Variants in DOCK9 observed in about 807,000 individuals in gnomAD.
The protein encoded by DOCK9 is dedicator of cytokinesis protein 9.
Under a neutral mutation model 263.3 loss-of-function variants are expected in DOCK9, and 89 were observed. The ratio of observed to expected loss-of-function variants is 0.34; its 90% CI spans 0.28 to 0.40. The LOEUF is 0.40. DOCK9 is among the 10% of genes least tolerant of loss of function. DOCK9 has a pLI of 1.00. For missense variants in DOCK9, 2,140 were observed against 2,603.4 expected (o/e 0.82, Z 3.87); for synonymous variants, 976 against 973.1 (o/e 1.00, Z -0.06).
At position 98,829,964 on chromosome 13, in the gene DOCK9, TA is replaced by T. The variant is rs2092696169; in HGVS notation, c.4636-209del. Among the ~76,000 whole-genome samples, 2 of 152,154 alleles carry T rather than the reference TA, an allele frequency of 1.3e-5. No homozygotes were observed. Among genetic ancestry groups the T allele is most frequent in the Admixed American group, 6.5e-5 (1 of 15,274 alleles). On this transcript the variant is annotated intron_variant, in intron 41 of 52. Transcript: ENST00000682017. The surrounding 1 kb of genome is among the most constrained non-coding windows in gnomAD (Gnocchi z 4.1). ...TTACAGAAAGTGATTCTGCTATCCT[TA>T]AAAAACACTGTTTGCAAAGCAAAAT...
intron 1 of DOCK9, among the ~76,000 whole-genome samples, chr13:99,012,011 C>G (rs1007568577): frequency 2.0e-5 from 3 of 152,038 alleles, no homozygotes; most frequent in African/African-American, 7.2e-5. Context: ...TTTGTACAGA[C>G]GGGGTTTCAC....
At chr13:98,926,507 C>A (rs1164066171) in intron 3 of DOCK9, among the ~76,000 whole-genome samples, 1 of 152,156 alleles carries the variant, frequency 6.6e-6, no homozygotes, top group Non-Finnish European at 1.5e-5. Context: ...TCTTCCACTG[C>A]CAAGGATTCT....
At chr13:98,895,132 G>A (rs1368622841) in intron 15 of DOCK9, among the ~76,000 whole-genome samples, 2 of 128,292 alleles carry the variant, frequency 1.6e-5, no homozygotes, top group South Asian at 2.9e-4. Context: ...GCGACAGAGC[G>A]AGACTCCATC....
At chr13:98,826,365 T>TC (rs1453528997) in intron 44 of DOCK9, among the ~76,000 whole-genome samples, 3 of 152,194 alleles carry the variant, frequency 2.0e-5, no homozygotes, top group African/African-American at 4.8e-5. Flanking sequence ...GAAGCGTCAC[T>TC]CCTCGCCCCC....
chr13:99,008,212 C>A (rs4772167), intron 1 of DOCK9, among the ~76,000 whole-genome samples: 12,239 of 78,394 alleles, frequency 0.16, 767 homozygotes, highest in East Asian at 0.24. Flanking sequence ...CTCTCTCTCT[C>A]TATATATATA....
At chr13:98,964,993 C>G (rs966514744) in intron 1 of DOCK9, among the ~76,000 whole-genome samples, 6 of 152,246 alleles carry the variant, frequency 3.9e-5, no homozygotes, top group Non-Finnish European at 8.8e-5. Context: ...CCCTCAGTCT[C>G]TCCTCTGAAG....
intron 9 of DOCK9, among the ~76,000 whole-genome samples, chr13:98,905,002 T>A (rs763091573): frequency 1.8e-4 from 27 of 152,302 alleles, no homozygotes; most frequent in Non-Finnish European, 3.2e-4. Flanking sequence ...AAGAAAGGCT[T>A]CATAAAGTAA....
intron 27 of DOCK9, among the ~76,000 whole-genome samples, chr13:98,875,430 A>G (rs1359416271): frequency 6.6e-6 from 1 of 152,234 alleles, no homozygotes; most frequent in African/African-American, 2.4e-5. Context: ...TTTTCAATTT[A>G]GCTAGAAAAT....
chr13:98,821,636 A>T (rs2092282222), intron 45 of DOCK9, among the ~76,000 whole-genome samples: 1 of 152,170 alleles, frequency 6.6e-6, no homozygotes, highest in Non-Finnish European at 1.5e-5. Context: ...TTCAATCTAC[A>T]CAGGCTCAGT....
At chr13:98,878,854 C>T (rs2044281490) in intron 27 of DOCK9, among the ~76,000 whole-genome samples, 1 of 152,244 alleles carries the variant, frequency 6.6e-6, no homozygotes, top group African/African-American at 2.4e-5. Context: ...TTTTCCAAGG[C>T]TTCCTCGGAG....
chr13:98,930,347 C>T, intron 2 of DOCK9, 90 bp from the exon 3 acceptor site: 2 of 1,098,444 alleles, frequency 1.8e-6, no homozygotes, highest in Non-Finnish European at 1.4e-6. Context: ...GCAGCTGGCC[C>T]TGGCAGCCAC....
chr13:98,817,856 T>C (rs561878856), intron 45 of DOCK9, among the ~76,000 whole-genome samples: 69 of 150,250 alleles, frequency 4.6e-4, no homozygotes, highest in African/African-American at 1.3e-3. Context: ...TTTGATAAAG[T>C]AGATAGAGCT....
At chr13:99,030,022 C>A (rs1887166740) in intron 1 of DOCK9, among the ~76,000 whole-genome samples, 1 of 152,188 alleles carries the variant, frequency 6.6e-6, no homozygotes, top group African/African-American at 2.4e-5. Flanking sequence ...GGACCAGATG[C>A]AAAGGCTACC....
rs1286343497 is a variant in DOCK9 at position 99,071,306 on chromosome 13, C to CCTTTTTTTTTTTTTTTTTTTTTTTTTT, written c.129+14916_129+14917insAAAAAAAAAAAAAAAAAAAAAAAAAAG. Among the ~76,000 whole-genome samples, 5 of 49,330 alleles carry CCTTTTTTTTTTTTTTTTTTTTTTTTTT rather than the reference C, an allele frequency of 1.0e-4. No individual in the cohort carries two copies. The Admixed American group carries it at 1.1e-3, about 11-fold the overall frequency. 32.4% of individuals were successfully genotyped at this position (49,330 alleles called of 152,430 possible). ...TACAGGTGCTTGCCACCATGCCTGG[C>CCTTTTTTTTTTTTTTTTTTTTTTTTTT]TTTTTTTTTTTTTTTTTTTTTTTTT... On this transcript the variant is annotated intron_variant, in intron 1 of 32. Transcript: ENST00000427887.
chr13:99,018,322 A>T (rs1489340741), intron 1 of DOCK9, among the ~76,000 whole-genome samples: 1 of 152,168 alleles, frequency 6.6e-6, no homozygotes, highest in Non-Finnish European at 1.5e-5. Context: ...TCACTCTTGC[A>T]TGTTCTCTTT....
intron 2 of DOCK9, among the ~76,000 whole-genome samples, chr13:98,935,220 G>A (rs1333459795): frequency 6.6e-6 from 1 of 152,130 alleles, no homozygotes; most frequent in African/African-American, 2.4e-5. Flanking sequence ...AGATAAACTT[G>A]CCCTTGGGAA....
At chr13:98,917,063 A>G (rs2051003379) in intron 7 of DOCK9, among the ~76,000 whole-genome samples, 1 of 152,218 alleles carries the variant, frequency 6.6e-6, no homozygotes, top group East Asian at 1.9e-4. Flanking sequence ...ACTTTATTAA[A>G]TGAAAACACC....
chr13:98,867,615 A>G (rs936348008), intron 29 of DOCK9, 79 bp from the exon 30 acceptor site: 1 of 925,818 alleles, frequency 1.1e-6, no homozygotes, highest in African/African-American at 1.7e-5. Flanking sequence ...TAGCAATAGT[A>G]TGCTAGAAAT....
intron 1 of DOCK9, among the ~76,000 whole-genome samples, chr13:98,989,178 C>A (rs1282453073): frequency 6.6e-6 from 1 of 152,028 alleles, no homozygotes; most frequent in Non-Finnish European, 1.5e-5. Flanking sequence ...ATGAGACCCT[C>A]CAGAATATTC....
Sources: allele counts gnomAD v4.1 joint callset (sites outside exome capture counted in the v4.1 genomes callset), GRCh38; gene constraint gnomAD v4.1.1; non-coding constraint Gnocchi (gnomAD v3.1); transcripts MANE v1.5; gene names NCBI Gene and HGNC (gene_info 2026-07-23, HGNC 2026-07-21).